Variants in RBFOX3 observed in about 807,000 individuals in gnomAD.
RBFOX3 encodes RNA binding fox-1 homolog 3.
Under a neutral mutation model 48.7 loss-of-function variants are expected in RBFOX3, and 17 were observed. That is an observed-to-expected ratio of 0.35 (90% confidence interval 0.24 to 0.52). The LOEUF (loss-of-function observed/expected upper bound fraction) is 0.52, where lower values mean the gene tolerates loss of function less well. Ranked by LOEUF, RBFOX3 falls within the 20% of genes least tolerant of loss-of-function variation. RBFOX3 has a pLI of 0.94. For synonymous variants in RBFOX3, 212 were observed against 209.5 expected, an observed-to-expected ratio of 1.01 and a Z score of -0.10; for missense variants, 382 against 497.5, an observed-to-expected ratio of 0.77 and a Z score of 2.21.
At chr17:79,166,466 A>G (rs530970652) in intron 4 of RBFOX3, among the ~76,000 whole-genome samples, 11 of 51,354 alleles carry the variant, frequency 2.1e-4, no homozygotes, top group Non-Finnish European at 5.7e-4. Flanking sequence ...GCTCTCAGCC[A>G]CAGATGAAGG....
chr17:79,247,559 A>G (rs1181821637), intron 3 of RBFOX3, among the ~76,000 whole-genome samples: 2 of 152,080 alleles, frequency 1.3e-5, no homozygotes, highest in Non-Finnish European at 2.9e-5. Context: ...TGATCCGCCC[A>G]CCTTGGCCTC....
chr17:79,356,321 G>A (rs1398170253), intron 2 of RBFOX3, among the ~76,000 whole-genome samples: 6 of 133,308 alleles, frequency 4.5e-5, no homozygotes, highest in Non-Finnish European at 7.9e-5. Flanking sequence ...CGTGAGGCAC[G>A]TACTTTTTCA....
intron 2 of RBFOX3, among the ~76,000 whole-genome samples, chr17:79,357,101 C>T (rs1159042003): frequency 1.3e-5 from 2 of 152,240 alleles, no homozygotes; most frequent in African/African-American, 4.8e-5. Context: ...CCCAGACACG[C>T]CCACACCCGC....
chr17:79,473,560 G>A lies in RBFOX3; in HGVS notation c.-175+8894C>T, dbSNP rs1188675091. Among the ~76,000 whole-genome samples, 3 of 152,222 alleles carry A rather than the reference G, an allele frequency of 2.0e-5. No homozygotes were observed. Among genetic ancestry groups the A allele is most frequent in the African/African-American group, 7.2e-5 (3 of 41,446 alleles). ...TCCCACAAGAAGTTGTGTTACGAGT[G>A]TATTATTTGATCTTTGTTGAACTTG... On this transcript the variant is annotated intron_variant, in intron 2 of 14. Coordinates refer to ENST00000693108, the MANE Select transcript of RBFOX3 (RefSeq NM_001350451.2). The surrounding 1 kb of genome is among the most constrained non-coding windows in gnomAD (Gnocchi z 4.2).
intron 1 of RBFOX3, among the ~76,000 whole-genome samples, chr17:79,523,520 G>A (rs1033770086): frequency 4.6e-5 from 7 of 152,068 alleles, no homozygotes; most frequent in Non-Finnish European, 8.8e-5. Flanking sequence ...CGTTCCTCAT[G>A]GTGAGGAGAC....
At chr17:79,218,738 G>A (rs1337567112) in intron 4 of RBFOX3, among the ~76,000 whole-genome samples, 2 of 152,188 alleles carry the variant, frequency 1.3e-5, no homozygotes, top group African/African-American at 4.8e-5. Context: ...GGAAGTGGTC[G>A]CTGAGGCTGG....
chr17:79,184,061 A>G (rs1469109797), intron 4 of RBFOX3, among the ~76,000 whole-genome samples: 3 of 152,248 alleles, frequency 2.0e-5, no homozygotes, highest in Admixed American at 1.3e-4. Flanking sequence ...TTTCGCGTTC[A>G]GAGAAGCGCC....
rs58040659 is a variant in RBFOX3, at chr17:79,356,348, G to GT, written c.-174-48525dup. ...ACTTTTTCACTTTTAAAACAGGGAA[G>GT]TTTTTTTTTTTTTTTTTTTTTTTTT... On this transcript the variant is annotated intron_variant, in intron 2 of 14. Coordinates refer to ENST00000693108, the MANE Select transcript of RBFOX3 (RefSeq NM_001350451.2). Among the ~76,000 whole-genome samples, 48 of 47,330 alleles carry GT rather than the reference G, an allele frequency of 1.0e-3. 6 individuals are homozygous for GT. The highest frequency in any genetic ancestry group is 1.4e-3 in the Non-Finnish European group (34 of 24,442). The allele number at this position is 47,330 out of a possible 152,430, so 31.1% of individuals were successfully genotyped here. A position where few individuals can be genotyped will look rare whatever the true frequency, so the allele number is the denominator to read the frequency against.
At chr17:79,660,660 T>A in the RBFOX3 span, among the ~76,000 whole-genome samples, 1 of 152,282 alleles carries the variant, frequency 6.6e-6, no homozygotes, top group Non-Finnish European at 1.5e-5. Context: ...CTGGCGAGGT[T>A]ATGGAGGAAA....
At chr17:79,200,511 G>C (rs1271717872) in intron 4 of RBFOX3, among the ~76,000 whole-genome samples, 1 of 152,232 alleles carries the variant, frequency 6.6e-6, no homozygotes, top group African/African-American at 2.4e-5. Flanking sequence ...AGGGGCAGAG[G>C]TGCCGCCGGA....
At chr17:79,292,403 C>T (rs2073441455) in intron 3 of RBFOX3, among the ~76,000 whole-genome samples, 1 of 152,122 alleles carries the variant, frequency 6.6e-6, no homozygotes, top group Non-Finnish European at 1.5e-5. Flanking sequence ...AGTGCTGTCT[C>T]CCCACTAACC....
At chr17:79,197,559 T>A (rs911238038) in intron 4 of RBFOX3, among the ~76,000 whole-genome samples, 1 of 151,600 alleles carries the variant, frequency 6.6e-6, no homozygotes, top group African/African-American at 2.4e-5. Context: ...CTGCCAATTT[T>A]TTTTTTTGTA....
chr17:79,096,836 G>T lies in RBFOX3; in HGVS notation c.756-3C>A. On this transcript the variant is annotated splice_region_variant and splice_polypyrimidine_tract_variant and intron_variant, in intron 11 of 14. Coordinates refer to ENST00000693108, the MANE Select transcript of RBFOX3 (RefSeq NM_001350451.2). ...TAACAAGCGTTTGCTCCAGTGCCCT[G>T]TTTTGGTATAACAATAGAGTAACAC... 1.4e-6 allele frequency: 1 copy of T among 738,302 alleles called. No individual in the cohort carries two copies. The highest frequency in any genetic ancestry group is 2.4e-6 in the Non-Finnish European group (1 of 421,090). The allele number at this position is 738,302 out of a possible 1,614,324, so 45.7% of individuals were successfully genotyped here. A position where few individuals can be genotyped will look rare whatever the true frequency, so the allele number is the denominator to read the frequency against.
intron 14 of RBFOX3, among the ~76,000 whole-genome samples, chr17:79,093,810 CA>C (rs1244004837): frequency 6.2e-4 from 93 of 150,554 alleles, no homozygotes; most frequent in African/African-American, 2.2e-3. Context: ...CACACACACA[CA>C]CACACACACA....
At chr17:79,580,499 G>GGT (rs2093022144) in intron 1 of RBFOX3, among the ~76,000 whole-genome samples, 1 of 152,044 alleles carries the variant, frequency 6.6e-6, no homozygotes, top group Non-Finnish European at 1.5e-5. Flanking sequence ...GGGCATAGAC[G>GGT]ACTGTTCAGC....
intron 4 of RBFOX3, among the ~76,000 whole-genome samples, chr17:79,148,460 C>A (rs2043544693): frequency 6.6e-6 from 1 of 152,170 alleles, no homozygotes; most frequent in African/African-American, 2.4e-5. Context: ...GAAGCCAAAC[C>A]CAGGTTTGAG....
chr17:79,187,063 G>A (rs1185552332), intron 4 of RBFOX3, among the ~76,000 whole-genome samples: 2 of 152,266 alleles, frequency 1.3e-5, no homozygotes, highest in African/African-American at 4.8e-5. Context: ...TTCTCCCTGG[G>A]AGAGCATTTG....
chr17:79,572,909 A>C (rs2092729565), intron 1 of RBFOX3, among the ~76,000 whole-genome samples: 1 of 145,332 alleles, frequency 6.9e-6, no homozygotes, highest in Non-Finnish European at 1.5e-5. Flanking sequence ...CAAATTTGGC[A>C]GATAAGACAG....
intron 12 of RBFOX3, 45 bp from the exon 13 acceptor site, chr17:79,095,619 G>T: frequency 6.6e-7 from 1 of 1,516,746 alleles, no homozygotes; most frequent in Non-Finnish European, 9.0e-7. Context: ...ACTTAGTGGG[G>T]CTCCCCAGGG....
Sources: gnomAD v4.1 joint callset for allele counts (sites outside exome capture counted in the v4.1 genomes callset) on GRCh38, gnomAD v4.1.1 for gene constraint, Gnocchi (gnomAD v3.1) non-coding constraint, MANE v1.5 for transcripts, NCBI Gene and HGNC (gene_info 2026-07-23, HGNC 2026-07-21) for gene names.